Variants in PRKD1 observed in about 807,000 individuals in gnomAD.
PRKD1 encodes protein kinase D1.
PRKD1 carries 63 observed loss-of-function variants against 95.9 expected under a neutral mutation model. The ratio of observed to expected loss-of-function variants is 0.66; its 90% CI spans 0.54 to 0.81. The LOEUF is 0.81. Ranked by LOEUF, PRKD1 falls within the 30% of genes least tolerant of loss-of-function variation. PRKD1 has a pLI of 0.00. For synonymous variants in PRKD1, 425 were observed against 423.1 expected (o/e 1.00, Z -0.05); for missense variants, 1,048 against 1,165.3 (o/e 0.90, Z 1.47).
chr14:29,674,939 A>G (rs1883069359), intron 2 of PRKD1, among the ~76,000 whole-genome samples: 3 of 152,250 alleles, frequency 2.0e-5, no homozygotes, highest in Non-Finnish European at 4.4e-5. Context: ...TCATAGAAAC[A>G]GATGCTTACT....
chr14:29,758,978 T>C (rs1250390009), intron 1 of PRKD1, among the ~76,000 whole-genome samples: 1 of 152,244 alleles, frequency 6.6e-6, no homozygotes, highest in Non-Finnish European at 1.5e-5. Flanking sequence ...ATTTATTGTG[T>C]TTCATATATA....
intron 16 of PRKD1, among the ~76,000 whole-genome samples, chr14:29,583,726 G>A (rs1482075661): frequency 6.6e-6 from 1 of 151,986 alleles, no homozygotes; most frequent in Non-Finnish European, 1.5e-5. Flanking sequence ...CAATTGTATG[G>A]TGTACATTTC....
intron 1 of PRKD1, among the ~76,000 whole-genome samples, chr14:29,782,919 T>A (rs1889113539): frequency 6.6e-6 from 1 of 152,226 alleles, no homozygotes; most frequent in Admixed American, 6.5e-5. Context: ...TTGTACATAT[T>A]TATGATACAA....
At chr14:29,710,842 A>G (rs1158094652) in intron 2 of PRKD1, among the ~76,000 whole-genome samples, 2 of 152,136 alleles carry the variant, frequency 1.3e-5, no homozygotes, top group African/African-American at 4.8e-5. Flanking sequence ...TTAAAAAAAT[A>G]TATATTAGGT....
At chr14:29,890,698 T>C (rs1306891724) in intron 1 of PRKD1, among the ~76,000 whole-genome samples, 1 of 152,180 alleles carries the variant, frequency 6.6e-6, no homozygotes, top group Non-Finnish European at 1.5e-5. Flanking sequence ...TCCAATTTAG[T>C]AACCCTTCTA....
intron 2 of PRKD1, among the ~76,000 whole-genome samples, chr14:29,690,924 A>T (rs570351174): frequency 6.6e-6 from 1 of 152,072 alleles, no homozygotes; most frequent in East Asian, 1.9e-4. Flanking sequence ...GTGTAGATAA[A>T]TATCTCCCCC....
At chr14:29,730,169 C>G (rs1886361649) in intron 1 of PRKD1, among the ~76,000 whole-genome samples, 2 of 151,994 alleles carry the variant, frequency 1.3e-5, no homozygotes, top group African/African-American at 4.8e-5. Flanking sequence ...TCTGAATAGA[C>G]ATGTCTCAAA....
At chr14:29,826,772 CATATATATACATATAT>C (rs1891176300) in intron 1 of PRKD1, among the ~76,000 whole-genome samples, 1 of 21,204 alleles carries the variant, frequency 4.7e-5, no homozygotes, top group Non-Finnish European at 9.3e-5. Context: ...TATATATACA[CATATATATACATATAT>C]ACACATATAT....
At chr14:29,897,406 A>G (rs17096124) in intron 1 of PRKD1, among the ~76,000 whole-genome samples, 9,883 of 152,222 alleles carry the variant, frequency 0.065, 395 homozygotes, top group South Asian at 0.11. Flanking sequence ...CTGCACATAT[A>G]ATAACACATG....
chr14:29,630,506 T>A (rs1009281448), intron 10 of PRKD1: 6 of 532,866 alleles, frequency 1.1e-5, no homozygotes, highest in African/African-American at 5.9e-5. Context: ...AGTGTTTACC[T>A]GAATTTGTTA....
intron 1 of PRKD1, among the ~76,000 whole-genome samples, chr14:29,727,589 A>G (rs1321281002): frequency 6.6e-6 from 1 of 150,550 alleles, no homozygotes; most frequent in Non-Finnish European, 1.5e-5. Context: ...TAAGGAAGGG[A>G]TCCAGTTTCA....
intron 1 of PRKD1, among the ~76,000 whole-genome samples, chr14:29,870,668 T>C (rs1038893053): frequency 6.6e-6 from 1 of 152,234 alleles, no homozygotes; most frequent in Non-Finnish European, 1.5e-5. Context: ...AAATCACATA[T>C]GTTTGTAATT....
chr14:29,823,400 C>T (rs184854324), intron 1 of PRKD1, among the ~76,000 whole-genome samples: 143 of 151,954 alleles, frequency 9.4e-4, no homozygotes, highest in East Asian at 3.3e-3. Flanking sequence ...CTATGTTTTC[C>T]GAGAATAATG....
intron 13 of PRKD1, among the ~76,000 whole-genome samples, chr14:29,621,001 C>G (rs1449361479): frequency 6.6e-6 from 1 of 151,856 alleles, no homozygotes; most frequent in Non-Finnish European, 1.5e-5. Context: ...GACTAGAATA[C>G]TATGCAGCCA....
intron 1 of PRKD1, among the ~76,000 whole-genome samples, chr14:29,888,739 G>A (rs17096111): frequency 0.29 from 43,813 of 151,884 alleles, 6,432 homozygotes; most frequent in East Asian, 0.35. Flanking sequence ...CAGAAATTCA[G>A]CTCCTCAATA....
intron 2 of PRKD1, among the ~76,000 whole-genome samples, chr14:29,720,588 T>C (rs2139380912): frequency 6.6e-6 from 1 of 152,070 alleles, no homozygotes; most frequent in African/African-American, 2.4e-5. Context: ...AAGACCAGCC[T>C]GGCCAATACA....
chr14:29,687,651 A>G (rs544027002), intron 2 of PRKD1, among the ~76,000 whole-genome samples: 29 of 152,304 alleles, frequency 1.9e-4, no homozygotes, highest in Middle Eastern at 6.8e-3. Context: ...AAATCCAGAG[A>G]TATCTAAATA....
intron 1 of PRKD1, among the ~76,000 whole-genome samples, chr14:29,735,914 AATT>A (rs2139421728): frequency 1.3e-5 from 2 of 152,342 alleles, no homozygotes; most frequent in East Asian, 3.9e-4. Context: ...ACATTAAAAA[AATT>A]AGGTAGAATA....
intron 1 of PRKD1, among the ~76,000 whole-genome samples, chr14:29,901,581 TAAA>T (rs757040599): frequency 1.3e-5 from 2 of 152,066 alleles, no homozygotes; most frequent in East Asian, 1.9e-4. Context: ...AAAATAAAAA[TAAA>T]AAAGATACAG....
Sources: gnomAD v4.1 joint callset for allele counts (sites outside exome capture counted in the v4.1 genomes callset) on GRCh38, gnomAD v4.1.1 for gene constraint, MANE v1.5 for transcripts, NCBI Gene and HGNC (gene_info 2026-07-23, HGNC 2026-07-21) for gene names.